LIMK1: variants seen among roughly 807,000 people sequenced by gnomAD.
LIMK1 encodes LIM domain kinase 1.
A neutral mutation model predicts 77.6 loss-of-function variants in LIMK1; 21 were observed. That is an observed-to-expected ratio of 0.27 (90% CI 0.19 to 0.39). LIMK1 has a LOEUF of 0.39. Ranked by LOEUF, LIMK1 falls within the 10% of genes least tolerant of loss-of-function variation. LIMK1 has a pLI of 1.00. For synonymous variants in LIMK1, 358 were observed against 370.0 expected, an observed-to-expected ratio of 0.97 and a Z score of 0.37; for missense variants, 696 against 901.6, an observed-to-expected ratio of 0.77 and a Z score of 2.92.
Position 74,120,953 on chromosome 7 carries a change from A to G in LIMK1, c.1685A>G (p.Asn562Ser). 6.2e-7 allele frequency: 1 copy of G among 1,613,994 alleles called. No individual in the cohort carries two copies. ...CCCCGCACCATGGACTTTGGCCTCA[A>G]CGTGCGAGGATTCCTGGACCGCTAC... ...YLPRTMDFGL[N>S]VRGFLDRYCP... Residue 562 changes from asparagine to serine, a missense_variant, in exon 15 of 16, where the codon AAC (asparagine) becomes AGC (serine). By Grantham distance (46) the Asn-to-Ser change is conservative. Around this residue, in one of 3 missense-constraint regions of LIMK1, gnomAD observed 438 missense variants for 602.3 expected, o/e 0.73. Coordinates refer to ENST00000336180, the MANE Select transcript of LIMK1 (RefSeq NM_002314.4).
chr7:74,107,609 G>C (rs371209933), intron 8 of LIMK1, among the ~76,000 whole-genome samples: 2 of 150,452 alleles, frequency 1.3e-5, no homozygotes, highest in African/African-American at 4.9e-5. Context: ...TGAGCCAGGA[G>C]TTCAAGGCTG....
chr7:74,105,850 G>A, intron 5 of LIMK1, 25 bp from the exon 6 acceptor site: 2 of 1,589,234 alleles, frequency 1.3e-6, no homozygotes, highest in Non-Finnish European at 1.7e-6. Context: ...GGTGGGCACT[G>A]GCCTGACCCC....
At chr7:74,113,142 G>A (rs150722627) in intron 12 of LIMK1, among the ~76,000 whole-genome samples, 56 of 151,528 alleles carry the variant, frequency 3.7e-4, no homozygotes, top group Admixed American at 9.9e-4. Flanking sequence ...GCAACATTAC[G>A]AAAGCCCATC....
chr7:74,088,898 T>C lies in LIMK1; in HGVS notation c.152+3054T>C, dbSNP rs1474973381. On this transcript the variant is annotated intron_variant, in intron 2 of 15. Transcript: ENST00000336180. ...GAAGAATGCCATCCCAGTGGGCCGG[T>C]GGTGGTATCTAGGCAGGGAAGGGAC... Among the ~76,000 whole-genome samples, 9 of 140,906 alleles carry C rather than the reference T, an allele frequency of 6.4e-5. No homozygotes were observed. In the Admixed American group the frequency reaches 6.4e-4, roughly 10 times the overall value. The allele number at this position is 140,906 out of a possible 152,430, so 92.4% of individuals were successfully genotyped here.
intron 2 of LIMK1, among the ~76,000 whole-genome samples, chr7:74,095,790 C>A (rs1799326047): frequency 6.6e-6 from 1 of 151,934 alleles, no homozygotes; most frequent in African/African-American, 2.4e-5. Flanking sequence ...TGGGAAAAAG[C>A]CGGGAATGTA....
At position 74,119,862 on chromosome 7, in the gene LIMK1, C is replaced by T. The variant is rs138545965; in HGVS notation, c.1568-721C>T. 9.6e-3 allele frequency among the ~76,000 whole-genome samples: 1,466 copies of T among 152,154 alleles called. 8 individuals are homozygous for T. Among genetic ancestry groups the T allele is most frequent in the Middle Eastern group, 0.02 (6 of 294 alleles). On this transcript the variant is annotated intron_variant, in intron 13 of 15. Transcript: ENST00000336180. Reference sequence around the variant, plus strand: ...GGCAGAGGTTGCAGTGAGCCACAATCGTACCACTGCACTCTTGCCTGGACA... The same window carrying T: ...GGCAGAGGTTGCAGTGAGCCACAATTGTACCACTGCACTCTTGCCTGGACA...
intron 8 of LIMK1, among the ~76,000 whole-genome samples, 169 bp from the exon 9 acceptor site, chr7:74,107,702 G>A (rs1225662749): frequency 1.3e-5 from 2 of 151,430 alleles, no homozygotes; most frequent in East Asian, 3.9e-4. Flanking sequence ...AAAAAGACAA[G>A]GGATTAATAC....
chr7:74,111,343 C>G (rs1799694287), intron 10 of LIMK1: 3 of 370,792 alleles, frequency 8.1e-6, no homozygotes, highest in South Asian at 6.7e-5. Flanking sequence ...GAGGCTGAGA[C>G]ACAAGAATCA....
At chr7:74,107,237 C>A in intron 8 of LIMK1, 44 bp downstream of exon 8, 1 of 1,533,576 alleles carries the variant, frequency 6.5e-7, no homozygotes, top group Non-Finnish European at 8.8e-7. Context: ...TGGGTGGGAC[C>A]CCTCCATCCT....
chr7:74,102,427 C>T (rs186877650), intron 5 of LIMK1, among the ~76,000 whole-genome samples: 169 of 143,756 alleles, frequency 1.2e-3, no homozygotes, highest in African/African-American at 3.9e-3. Flanking sequence ...GAGTAAGTTG[C>T]AGGGATCATT....
intron 12 of LIMK1, among the ~76,000 whole-genome samples, chr7:74,113,287 C>G (rs888853210): frequency 6.6e-6 from 1 of 151,398 alleles, no homozygotes; most frequent in Non-Finnish European, 1.5e-5. Context: ...TTGTGCTACT[C>G]TACTCCAGCC....
intron 10 of LIMK1, chr7:74,110,137 C>G (rs555130652): frequency 8.9e-4 from 135 of 152,304 alleles, no homozygotes; most frequent in African/African-American, 3.1e-3. Context: ...CACTAGAGGT[C>G]AGGAGGTCAA....
At chr7:74,095,721 A>G (rs1445199331) in intron 2 of LIMK1, among the ~76,000 whole-genome samples, 2 of 151,750 alleles carry the variant, frequency 1.3e-5, no homozygotes, top group Admixed American at 6.6e-5. Flanking sequence ...TGACATTTCT[A>G]TATTTGTTCA....
In LIMK1 at chr7:74,083,807, C is replaced by G. The variant is rs1317255455; in HGVS notation, c.-184C>G. The G allele has an allele frequency of 2.7e-5, 4 of 146,104 alleles. No individual in the cohort carries two copies. Among genetic ancestry groups the G allele is most frequent in the African/African-American group, 4.9e-5 (2 of 40,604 alleles). 9.1% of individuals were successfully genotyped at this position (146,104 alleles called of 1,614,324 possible). ...CCCCGCCTCGGTCCGCCCCTCCGCT[C>G]GCTCCCCAAGCCGCCGCGGCGCCGA... is the stretch of plus-strand genomic sequence containing the variant. On this transcript the variant is annotated 5_prime_UTR_variant, in exon 1 of 16. Coordinates refer to ENST00000336180, the MANE Select transcript of LIMK1 (RefSeq NM_002314.4).
intron 1 of LIMK1, 126 bp downstream of exon 1, chr7:74,084,171 A>T (rs1415768181): frequency 5.6e-6 from 2 of 357,548 alleles, no homozygotes; most frequent in South Asian, 5.9e-5. Flanking sequence ...GCTCGTCCTT[A>T]CGAAGCCCGC....
chr7:74,118,898 TG>T (rs1354623735), intron 13 of LIMK1, among the ~76,000 whole-genome samples: 1 of 152,150 alleles, frequency 6.6e-6, no homozygotes, highest in African/African-American at 2.4e-5. Flanking sequence ...TTTTGTTTTT[TG>T]TTTTTTGTTT....
intron 10 of LIMK1, chr7:74,109,279 G>C (rs187442881): frequency 1.7e-5 from 8 of 466,516 alleles, no homozygotes; most frequent in African/African-American, 1.4e-4. Context: ...AGGATCACTC[G>C]AGGCCAGGAA....
In LIMK1 at chr7:74,120,959, G is replaced by A. The variant is rs1554700455; in HGVS notation, c.1691G>A (p.Arg564Gln). 16 of 1,613,926 alleles carry A rather than the reference G, an allele frequency of 9.9e-6. No homozygotes were observed. The highest frequency in any genetic ancestry group is 4.5e-5 in the East Asian group (2 of 44,896). The stretch of plus-strand genomic sequence containing the variant: ...ACCATGGACTTTGGCCTCAACGTGC[G>A]AGGATTCCTGGACCGCTACTGCCCC... The part of the protein sequence containing the change: ...PRTMDFGLNV[R>Q]GFLDRYCPPN... Residue 564 changes from arginine (R) to glutamine (Q), a missense_variant, in exon 15 of 16, where the codon CGA (arginine) becomes CAA (glutamine). Transcript: ENST00000336180.
In LIMK1 at chr7:74,084,041, G is replaced by T; in HGVS notation, c.51G>T (p.Glu17Asp). 1 of 1,495,566 alleles carries T rather than the reference G, an allele frequency of 6.7e-7. No individual in the cohort carries two copies. The highest frequency in any genetic ancestry group is 2.8e-5 in the East Asian group (1 of 35,680). The allele number at this position is 1,495,566 out of a possible 1,614,324, so 92.6% of individuals were successfully genotyped here. Residue 17 changes from glutamate to aspartate, a missense_variant, in exon 1 of 16, where the codon GAG becomes GAT. This residue lies in a region of LIMK1 where 252 missense variants were observed against 279.4 expected (regional missense o/e 0.90). Coordinates refer to ENST00000336180, the MANE Select transcript of LIMK1 (RefSeq NM_002314.4). ...CCTGGAGGGAAGAACGTATGGGAGAGGAAGGTGCGCGGGCCGCGGGGTGTG... is the reference window on the plus strand; with the variant it reads ...CCTGGAGGGAAGAACGTATGGGAGATGAAGGTGCGCGGGCCGCGGGGTGTG... The part of the protein sequence containing the change: ...CCTWREERMG[E>D]EGSELPVCAS...
Sources: gnomAD v4.1 joint callset for allele counts (sites outside exome capture counted in the v4.1 genomes callset) on GRCh38, gnomAD v4.1.1 for gene constraint, gnomAD v4.1.1 regional missense constraint, MANE v1.5 for transcripts, NCBI Gene and HGNC (gene_info 2026-07-23, HGNC 2026-07-21) for gene names.